TESK2: variants seen among roughly 807,000 people sequenced by gnomAD.
The protein encoded by TESK2 is dual specificity testis-specific protein kinase 2.
Under a neutral mutation model 57.1 loss-of-function variants are expected in TESK2, and 39 were observed. The ratio of observed to expected loss-of-function variants is 0.68; its 90% CI spans 0.53 to 0.89. The LOEUF (loss-of-function observed/expected upper bound fraction) is 0.89, where lower values mean the gene tolerates loss of function less well. Ranked by LOEUF, TESK2 falls within the 40% of genes least tolerant of loss-of-function variation. The pLI, the probability that TESK2 is intolerant of heterozygous loss-of-function variation, is 0.00. For missense variants in TESK2, 646 were observed against 732.1 expected (o/e 0.88, Z 1.36); for synonymous variants, 249 against 267.9 (o/e 0.93, Z 0.69).
chr1:45,385,710 G>GTATATATATATATATA lies in TESK2; in HGVS notation c.393+186_393+201dup, dbSNP rs754585734. 2.5e-3 allele frequency among the ~76,000 whole-genome samples: 344 copies of GTATATATATATATATA among 135,222 alleles called. 11 individuals carry two copies. Among genetic ancestry groups the GTATATATATATATATA allele is most frequent in the African/African-American group, 9.6e-3 (324 of 33,778 alleles). 88.7% of individuals were successfully genotyped at this position (135,222 alleles called of 152,430 possible). ...ACTTAAAGTGTATGTGTGTGTGTGT[G>GTATATATATATATATA]TATATATATATATATATATATATAT... On this transcript the variant is annotated intron_variant, in intron 4 of 10. Transcript: ENST00000372086.
chr1:45,432,401 C>T (rs781225857), intron 2 of TESK2, among the ~76,000 whole-genome samples: 8 of 151,496 alleles, frequency 5.3e-5, no homozygotes, highest in Non-Finnish European at 1.0e-4. Flanking sequence ...TAGAAATATA[C>T]AATACATTGT....
At chr1:45,352,266 C>T (rs1011727528) in intron 5 of TESK2, among the ~76,000 whole-genome samples, 1 of 152,188 alleles carries the variant, frequency 6.6e-6, no homozygotes, top group African/African-American at 2.4e-5. Flanking sequence ...TCCTTAAAGT[C>T]CGGACCCAAG....
intron 3 of TESK2, among the ~76,000 whole-genome samples, chr1:45,410,325 T>C (rs1649988524): frequency 6.6e-6 from 1 of 151,808 alleles, no homozygotes; most frequent in Non-Finnish European, 1.5e-5. Flanking sequence ...CATTTTAGGC[T>C]GGGAGCAGTG....
intron 4 of TESK2, among the ~76,000 whole-genome samples, chr1:45,355,957 T>C (rs1447004003): frequency 6.6e-6 from 1 of 152,210 alleles, no homozygotes; most frequent in African/African-American, 2.4e-5. Context: ...TGCTAAGATA[T>C]GTGAACTTTA....
chr1:45,417,184 G>A (rs182074534), intron 3 of TESK2, among the ~76,000 whole-genome samples: 1 of 152,088 alleles, frequency 6.6e-6, no homozygotes, highest in African/African-American at 2.4e-5. Flanking sequence ...TTCATTTAGT[G>A]TAACATCCTC....
chr1:45,402,862 G>T (rs901973159), intron 3 of TESK2, among the ~76,000 whole-genome samples: 2 of 151,836 alleles, frequency 1.3e-5, no homozygotes, highest in South Asian at 2.1e-4. Flanking sequence ...GACCTGTAAC[G>T]TACTCTACCA....
At chr1:45,353,931 T>A (rs983443533) in intron 5 of TESK2, among the ~76,000 whole-genome samples, 16 of 152,166 alleles carry the variant, frequency 1.1e-4, no homozygotes, top group Non-Finnish European at 2.9e-5. Context: ...AAAGAGGAAC[T>A]GGCAGGGCAG....
chr1:45,346,804 G>C, intron 8 of TESK2, 25 bp from the exon 9 acceptor site: 1 of 1,606,274 alleles, frequency 6.2e-7, no homozygotes, highest in Non-Finnish European at 8.5e-7. Flanking sequence ...GGAAAGCATA[G>C]GTAGACAGTT....
At chr1:45,474,454 C>T (rs1652902326) in intron 1 of TESK2, among the ~76,000 whole-genome samples, 2 of 151,998 alleles carry the variant, frequency 1.3e-5, no homozygotes, top group South Asian at 4.1e-4. Context: ...TAGCAAGACC[C>T]CATCTCTTTT....
At chr1:45,444,428 G>A (rs1651569192) in intron 2 of TESK2, among the ~76,000 whole-genome samples, 1 of 152,024 alleles carries the variant, frequency 6.6e-6, no homozygotes, top group Non-Finnish European at 1.5e-5. Context: ...CATTTAACTA[G>A]CTTTCTTCTA....
intron 1 of TESK2, among the ~76,000 whole-genome samples, chr1:45,471,396 A>G (rs1412142912): frequency 1.3e-5 from 2 of 152,040 alleles, no homozygotes; most frequent in Non-Finnish European, 2.9e-5. Flanking sequence ...CAATGAATAT[A>G]ATAGAGTACA....
At chr1:45,385,355 TC>T (rs1648844999) in intron 4 of TESK2, 2 of 985,096 alleles carry the variant, frequency 2.0e-6, no homozygotes, top group South Asian at 9.4e-5. Flanking sequence ...TATCACATAT[TC>T]CGCCTAGCAG....
intron 3 of TESK2, among the ~76,000 whole-genome samples, chr1:45,395,346 G>A (rs1649314743): frequency 6.6e-6 from 1 of 152,156 alleles, no homozygotes; most frequent in African/African-American, 2.4e-5. Context: ...TTACTGTACT[G>A]AATACTGTAG....
At chr1:45,450,235 G>A (rs1328291400) in intron 2 of TESK2, among the ~76,000 whole-genome samples, 1 of 152,120 alleles carries the variant, frequency 6.6e-6, no homozygotes, top group African/African-American at 2.4e-5. Context: ...TAATAGGCTG[G>A]GCACAGTGGC....
At chr1:45,471,194 G>A (rs1324338416) in intron 1 of TESK2, among the ~76,000 whole-genome samples, 3 of 151,984 alleles carry the variant, frequency 2.0e-5, no homozygotes, top group African/African-American at 4.8e-5. Context: ...TCACACCACT[G>A]CACTCCAGCC....
chr1:45,350,032 C>T (rs539350238), intron 5 of TESK2, among the ~76,000 whole-genome samples: 53 of 152,250 alleles, frequency 3.5e-4, no homozygotes, highest in Non-Finnish European at 5.0e-4. Flanking sequence ...ATCCCAGCTA[C>T]TCAGGAGGCT....
intron 1 of TESK2, among the ~76,000 whole-genome samples, chr1:45,489,868 T>C (rs1020046830): frequency 6.6e-5 from 10 of 152,202 alleles, no homozygotes; most frequent in Admixed American, 4.6e-4. Flanking sequence ...CAAAATTGCT[T>C]TTTTATGCTC....
intron 1 of TESK2, among the ~76,000 whole-genome samples, chr1:45,469,376 T>C (rs1170997299): frequency 6.6e-6 from 1 of 152,232 alleles, no homozygotes; most frequent in Non-Finnish European, 1.5e-5. Context: ...GGGTTTTGTA[T>C]GTTATCTGTA....
At chr1:45,418,787 C>T (rs1650346809) in intron 3 of TESK2, among the ~76,000 whole-genome samples, 1 of 152,110 alleles carries the variant, frequency 6.6e-6, no homozygotes, top group Admixed American at 6.6e-5. Flanking sequence ...TCACTATTTG[C>T]TCTGAGTTCC....
Sources: gnomAD v4.1 joint callset for allele counts (sites outside exome capture counted in the v4.1 genomes callset) on GRCh38, gnomAD v4.1.1 for gene constraint, MANE v1.5 for transcripts, NCBI Gene and HGNC (gene_info 2026-07-23, HGNC 2026-07-21) for gene names.